The following PTPRD variants were observed in gnomAD, a reference collection of about 807,000 sequenced individuals.
PTPRD encodes the protein receptor-type tyrosine-protein phosphatase delta.
In PTPRD, 34 loss-of-function variants were observed where a neutral mutation model predicts 214.5. The observed-to-expected ratio is 0.16, with a 90% CI of 0.12 to 0.21. PTPRD has a LOEUF of 0.21. Among genes scored for constraint, PTPRD ranks in the 10% least tolerant of loss-of-function variants. The probability of loss-of-function intolerance (pLI) is 1.00; values close to 1 mark genes in which losing one functional copy is unlikely to be tolerated. For missense variants in PTPRD, 2,545 were observed against 2,398.7 expected (o/e 1.06, Z -1.27); for synonymous variants, 1,128 against 845.7 (o/e 1.33, Z -5.79).
intron 11 of PTPRD, among the ~76,000 whole-genome samples, chr9:9,014,309 C>G (rs1333360451): frequency 6.6e-6 from 1 of 151,094 alleles, no homozygotes. Flanking sequence ...CAGAAATGTG[C>G]TTATGTTGTG....
At chr9:9,103,684 A>C (rs2099794505) in intron 10 of PTPRD, among the ~76,000 whole-genome samples, 1 of 152,076 alleles carries the variant, frequency 6.6e-6, no homozygotes, top group Non-Finnish European at 1.5e-5. Context: ...CTTTCCATTA[A>C]AAGTGGAGCA....
chr9:10,035,359 T>C, intron 3 of PTPRD, among the ~76,000 whole-genome samples: 1 of 152,074 alleles, frequency 6.6e-6, no homozygotes, highest in Non-Finnish European at 1.5e-5. Context: ...AGGAATAGTT[T>C]GCAAAAATTT....
At chr9:9,859,044 T>A (rs199848917) in intron 5 of PTPRD, among the ~76,000 whole-genome samples, 1 of 152,134 alleles carries the variant, frequency 6.6e-6, no homozygotes, top group East Asian at 1.9e-4. Flanking sequence ...TGAGGGCAGT[T>A]TTCCTCATGC....
At chr9:8,413,633 C>G (rs1366301675) in intron 35 of PTPRD, among the ~76,000 whole-genome samples, 1 of 152,086 alleles carries the variant, frequency 6.6e-6, no homozygotes, top group East Asian at 1.9e-4. Context: ...ATACACCATA[C>G]TAAATATAGG....
intron 2 of PTPRD, among the ~76,000 whole-genome samples, chr9:10,453,466 G>A (rs751637540): frequency 2.0e-5 from 3 of 151,474 alleles, no homozygotes; most frequent in Non-Finnish European, 4.4e-5. Context: ...CCAATTATGT[G>A]TATTCTTCAA....
intron 2 of PTPRD, among the ~76,000 whole-genome samples, chr9:10,509,877 T>A (rs892191063): frequency 1.3e-5 from 2 of 152,016 alleles, no homozygotes; most frequent in Non-Finnish European, 1.5e-5. Flanking sequence ...CCTCTATTTA[T>A]CTGTATATAA....
chr9:8,928,103 C>CAGATGGATAGAT (rs2098916720), intron 11 of PTPRD, among the ~76,000 whole-genome samples: 1 of 152,012 alleles, frequency 6.6e-6, no homozygotes, highest in African/African-American at 2.4e-5. Context: ...TGGATATTTG[C>CAGATGGATAGAT]CCTTTGTCAG....
chr9:9,496,882 T>C (rs75713974), intron 8 of PTPRD, among the ~76,000 whole-genome samples: 3,548 of 152,292 alleles, frequency 0.023, 70 homozygotes, highest in Non-Finnish European at 0.035. Flanking sequence ...AAGTAAAACG[T>C]GGTTTATACA....
At chr9:10,490,968 C>T (rs1308727225) in intron 2 of PTPRD, among the ~76,000 whole-genome samples, 1 of 152,128 alleles carries the variant, frequency 6.6e-6, no homozygotes. Context: ...ATACTGTACA[C>T]ATAATCACTA....
At chr9:9,601,482 C>A (rs779685285) in intron 7 of PTPRD, among the ~76,000 whole-genome samples, 4 of 152,046 alleles carry the variant, frequency 2.6e-5, no homozygotes, top group African/African-American at 9.7e-5. Context: ...AGAGCCAGAT[C>A]ATAGATAGAG....
chr9:8,977,326 TA>T (rs780398078), intron 11 of PTPRD, among the ~76,000 whole-genome samples: 1 of 152,116 alleles, frequency 6.6e-6, no homozygotes, highest in Non-Finnish European at 1.5e-5. Flanking sequence ...CAAAATACTT[TA>T]AAGGCTTCCA....
At chr9:9,930,094 A>C (rs892176166) in intron 5 of PTPRD, among the ~76,000 whole-genome samples, 2 of 152,208 alleles carry the variant, frequency 1.3e-5, no homozygotes, top group African/African-American at 4.8e-5. Flanking sequence ...GGAATACACT[A>C]CTTAGGGCTG....
chr9:10,156,331 T>C (rs1036498306), intron 3 of PTPRD, among the ~76,000 whole-genome samples: 2 of 152,134 alleles, frequency 1.3e-5, no homozygotes, highest in Admixed American at 6.6e-5. Context: ...TCTGGTGTGT[T>C]GTATCTTTTC....
chr9:10,062,324 G>C (rs1244934081), intron 3 of PTPRD, among the ~76,000 whole-genome samples: 1 of 152,036 alleles, frequency 6.6e-6, no homozygotes, highest in Non-Finnish European at 1.5e-5. Context: ...TTGGTTTTCA[G>C]CCAGGTGCAG....
intron 3 of PTPRD, among the ~76,000 whole-genome samples, chr9:10,105,195 T>C (rs1373522847): frequency 6.6e-6 from 1 of 151,770 alleles, no homozygotes; most frequent in African/African-American, 2.4e-5. Context: ...GCTACTAAAG[T>C]ACTCTCCACA....
chr9:9,479,430 A>G (rs1222418111), intron 8 of PTPRD, among the ~76,000 whole-genome samples: 1 of 152,022 alleles, frequency 6.6e-6, no homozygotes, highest in African/African-American at 2.4e-5. Flanking sequence ...TTATTTCCCA[A>G]TAATAACAGT....
intron 10 of PTPRD, among the ~76,000 whole-genome samples, chr9:9,090,259 C>T (rs2099773654): frequency 6.6e-6 from 1 of 152,068 alleles, no homozygotes. Flanking sequence ...TATTCTCTAC[C>T]TCTATAAGGT....
chr9:9,726,665 AAAT>A (rs2098098317), intron 7 of PTPRD, among the ~76,000 whole-genome samples: 1 of 152,202 alleles, frequency 6.6e-6, no homozygotes, highest in Non-Finnish European at 1.5e-5. Context: ...TAGAAAATAG[AAAT>A]AATATGTGAA....
chr9:10,034,406 ACTTT>A lies in PTPRD; in HGVS notation c.-544-620_-544-617del, dbSNP rs1362612513. ...GCACTCTGTCTCAGCTCCTGGCTCTACTTTTTTTTTTTTTTTTTTTTTTTTAAGA... is the reference window on the plus strand; with the variant it reads ...GCACTCTGTCTCAGCTCCTGGCTCTATTTTTTTTTTTTTTTTTTTTTAAGA... On this transcript the variant is annotated intron_variant, in intron 3 of 45. Coordinates refer to ENST00000381196, the MANE Select transcript of PTPRD (RefSeq NM_002839.4). Among the ~76,000 whole-genome samples the A allele has an allele frequency of 4.8e-5, 5 of 103,286 alleles. No homozygotes were observed. In the East Asian group the frequency reaches 6.8e-4, roughly 14 times the overall value. The allele number at this position is 103,286 out of a possible 152,430, so 67.8% of individuals were successfully genotyped here.
Sources: allele counts gnomAD v4.1 joint callset (sites outside exome capture counted in the v4.1 genomes callset), GRCh38; gene constraint gnomAD v4.1.1; transcripts MANE v1.5; gene names NCBI Gene and HGNC (gene_info 2026-07-23, HGNC 2026-07-21).